Variants in IL1RAPL2 observed in about 807,000 individuals in gnomAD.
IL1RAPL2 encodes interleukin 1 receptor accessory protein like 2.
In IL1RAPL2, 3 loss-of-function variants were observed where a neutral mutation model predicts 44.1. The ratio of observed to expected loss-of-function variants is 0.07; its 90% confidence interval spans 0.03 to 0.18. IL1RAPL2 has a LOEUF of 0.18. IL1RAPL2 is among the 10% of genes least tolerant of loss of function. The pLI is 1.00. For missense variants in IL1RAPL2, 391 were observed against 496.4 expected (o/e 0.79, Z 2.02); for synonymous variants, 181 against 178.8 (o/e 1.01, Z -0.10).
At chrX:105,549,948 C>G (rs764568101) in intron 6 of IL1RAPL2, among the ~76,000 whole-genome samples, 2 of 112,007 alleles carry the variant, frequency 1.8e-5, no homozygotes, top group East Asian at 2.8e-4. Context: ...TATTGCTTTT[C>G]TAGATGCTTC....
chrX:105,189,421 G>A (rs1161894638), intron 2 of IL1RAPL2, among the ~76,000 whole-genome samples: 2 of 111,564 alleles, frequency 1.8e-5, no homozygotes, highest in Non-Finnish European at 3.8e-5. Flanking sequence ...AGTAGAGATG[G>A]AGTTTCACTG....
intron 3 of IL1RAPL2, among the ~76,000 whole-genome samples, chrX:105,203,885 T>C (rs1358731347): frequency 2.7e-5 from 3 of 112,001 alleles, no homozygotes; most frequent in Non-Finnish European, 5.6e-5. Context: ...ACTAGGGATA[T>C]AGGCCCAACA....
At chrX:105,318,897 T>C (rs2034874950) in intron 5 of IL1RAPL2, among the ~76,000 whole-genome samples, 1 of 112,502 alleles carries the variant, frequency 8.9e-6, no homozygotes, top group African/African-American at 3.2e-5. Flanking sequence ...AAGGGAATTA[T>C]AGCTATCGCC....
At chrX:105,695,757 A>G (rs1223269655) in intron 6 of IL1RAPL2, among the ~76,000 whole-genome samples, 1 of 111,811 alleles carries the variant, frequency 8.9e-6, no homozygotes, top group Non-Finnish European at 1.9e-5. Context: ...TACCTTCACA[A>G]TTGTATAAAT....
chrX:104,698,847 A>G (rs1191102189), intron 2 of IL1RAPL2, among the ~76,000 whole-genome samples: 1 of 111,941 alleles, frequency 8.9e-6, no homozygotes, highest in Non-Finnish European at 1.9e-5. Context: ...CTTGAAAACC[A>G]GCTCTCAGGA....
At chrX:105,394,372 T>C (rs1180356639) in intron 5 of IL1RAPL2, among the ~76,000 whole-genome samples, 5 of 112,046 alleles carry the variant, frequency 4.5e-5, no homozygotes, top group Non-Finnish European at 7.5e-5. Flanking sequence ...ATTTATTCAT[T>C]CAATCATTTA....
At chrX:104,924,844 A>C (rs1924734437) in intron 2 of IL1RAPL2, among the ~76,000 whole-genome samples, 1 of 111,420 alleles carries the variant, frequency 9.0e-6, no homozygotes, top group Non-Finnish European at 1.9e-5. Flanking sequence ...TAAATAACAA[A>C]GATCAGAGCA....
At position 105,619,253 on chromosome X, in the gene IL1RAPL2, A is replaced by T. The variant is rs1045120609; in HGVS notation, c.773-98114A>T. ...TGGTTAAGACCAGAAGGCCAAATAA[A>T]AAAAAAAAAAAAGCACTGTTAAATA... On this transcript the variant is annotated intron_variant, in intron 6 of 10. Transcript: ENST00000372582. Among the ~76,000 whole-genome samples, 15 of 109,379 alleles carry T rather than the reference A, an allele frequency of 1.4e-4. No homozygotes were observed. In the East Asian group the frequency reaches 1.4e-3, roughly 10 times the overall value. 95.0% of individuals were successfully genotyped at this position (109,379 alleles called of 115,157 possible).
chrX:105,444,280 C>G lies in IL1RAPL2; in HGVS notation c.698-40033C>G, dbSNP rs146134061. On this transcript the variant is annotated intron_variant, in intron 5 of 10. Transcript: ENST00000372582. The stretch of plus-strand genomic sequence containing the variant: ...TGGGTAATTTGCAAATATTTTCTCC[C>G]ATCCTGTGGATTGTCTTTTCACCTT... Among the ~76,000 whole-genome samples the G allele has an allele frequency of 8.1e-5, 9 of 111,632 alleles. No homozygotes were observed. In the East Asian group the frequency reaches 2.5e-3, roughly 31 times the overall value.
At chrX:104,730,260 A>G (rs1453140999) in intron 2 of IL1RAPL2, among the ~76,000 whole-genome samples, 1 of 109,028 alleles carries the variant, frequency 9.2e-6, no homozygotes, top group Non-Finnish European at 1.9e-5. Context: ...TTTAGGGTAC[A>G]TGTGCACAAT....
intron 10 of IL1RAPL2, among the ~76,000 whole-genome samples, chrX:105,763,270 G>C (rs1416368764): frequency 1.8e-5 from 2 of 111,455 alleles, no homozygotes; most frequent in Non-Finnish European, 3.8e-5. Flanking sequence ...ACAAAAACAG[G>C]ACATGGGCCT....
intron 5 of IL1RAPL2, among the ~76,000 whole-genome samples, chrX:105,294,200 A>C (rs993370922): frequency 7.1e-5 from 8 of 111,903 alleles, no homozygotes; most frequent in Non-Finnish European, 1.1e-4. Flanking sequence ...TTTATCAAAA[A>C]CCTTGAGGTT....
intron 2 of IL1RAPL2, among the ~76,000 whole-genome samples, chrX:104,896,331 C>A (rs192400797): frequency 1.3e-3 from 148 of 111,874 alleles, no homozygotes; most frequent in African/African-American, 4.7e-3. Context: ...TGCCAAGGAC[C>A]CCTGGACCAA....
intron 2 of IL1RAPL2, among the ~76,000 whole-genome samples, chrX:105,088,918 C>A (rs1341329609): frequency 9.0e-6 from 1 of 111,308 alleles, no homozygotes; most frequent in Non-Finnish European, 1.9e-5. Context: ...ATTAGTGTCA[C>A]TTAAAGTTTT....
intron 1 of IL1RAPL2, among the ~76,000 whole-genome samples, chrX:104,599,979 C>T (rs914717341): frequency 9.0e-6 from 1 of 111,133 alleles, no homozygotes; most frequent in Non-Finnish European, 1.9e-5. Flanking sequence ...AAAACTGATG[C>T]TAAGAAATCA....
chrX:105,548,126 T>C (rs2036820493), intron 6 of IL1RAPL2, among the ~76,000 whole-genome samples: 1 of 111,920 alleles, frequency 8.9e-6, no homozygotes, highest in East Asian at 2.8e-4. Flanking sequence ...GCACCTACTA[T>C]GTTAAGCACC....
At chrX:105,158,242 A>G in intron 2 of IL1RAPL2, among the ~76,000 whole-genome samples, 1 of 111,507 alleles carries the variant, frequency 9.0e-6, no homozygotes, top group East Asian at 2.9e-4. Flanking sequence ...CTGTAGTCCC[A>G]GCTACTCAGG....
intron 2 of IL1RAPL2, among the ~76,000 whole-genome samples, chrX:104,660,540 T>A (rs192676035): frequency 0.032 from 3,277 of 102,038 alleles, 123 homozygotes; most frequent in African/African-American, 0.097. Flanking sequence ...GCTGTTAAAA[T>A]ATATATATAT....
At chrX:104,677,896 A>T (rs1170526429) in intron 2 of IL1RAPL2, among the ~76,000 whole-genome samples, 1 of 112,294 alleles carries the variant, frequency 8.9e-6, no homozygotes, top group Non-Finnish European at 1.9e-5. Context: ...TGACTCGGAA[A>T]GGGAACTCCC....
Sources: allele counts gnomAD v4.1 joint callset (sites outside exome capture counted in the v4.1 genomes callset), GRCh38; gene constraint gnomAD v4.1.1; transcripts MANE v1.5; gene names NCBI Gene and HGNC (gene_info 2026-07-23, HGNC 2026-07-21).